Variants in SIRT4 observed in about 807,000 individuals in gnomAD.
SIRT4 encodes the protein sirtuin 4.
Under a neutral mutation model 26.1 loss-of-function variants are expected in SIRT4, and 23 were observed. That is an observed-to-expected ratio of 0.88 (90% CI 0.63 to 1.25). The LOEUF is 1.25. Among genes scored for constraint, SIRT4 ranks in the 50% most tolerant of loss-of-function variants. SIRT4 has a pLI of 0.00. For missense variants in SIRT4, 361 were observed against 405.4 expected (o/e 0.89, Z 0.94); for synonymous variants, 155 against 158.4 (o/e 0.98, Z 0.16).
At chr12:120,307,066 G>A (rs1280152243) in intron 2 of SIRT4, among the ~76,000 whole-genome samples, 1 of 152,186 alleles carries the variant, frequency 6.6e-6, no homozygotes, top group Admixed American at 6.6e-5. Context: ...AAGCCCTAGA[G>A]AGGCTCCTCT....
chr12:120,293,208 T>A, the SIRT4 span: 1 of 152,204 alleles, frequency 6.6e-6, no homozygotes, highest in Non-Finnish European at 1.5e-5. Flanking sequence ...ATAGACCTCA[T>A]TGGCTACGAT....
Position 120,312,494 on chromosome 12 carries a change from G to A in SIRT4, c.536G>A (p.Gly179Glu). The A allele has an allele frequency of 6.2e-7, 1 of 1,614,006 alleles. No individual in the cohort carries two copies. The highest frequency in any genetic ancestry group is 8.5e-7 in the Non-Finnish European group (1 of 1,179,986). The change falls in exon 3 of 4, where the codon GGG becomes GAG. Residue 179 changes from glycine to glutamate, a missense_variant. By Grantham distance (98) the Gly-to-Glu change is moderately conservative (BLOSUM62 -2). Coordinates refer to ENST00000202967, the MANE Select transcript of SIRT4 (RefSeq NM_012240.3). Reference sequence around the variant, plus strand: ...GATTGTGGGGAACAGACTCCCCGGGGGGTGCTGCAAGAGCGTTTCCAAGTC... The same window carrying A: ...GATTGTGGGGAACAGACTCCCCGGGAGGTGCTGCAAGAGCGTTTCCAAGTC... ...CLDCGEQTPR[G>E]VLQERFQVLN...
At chr12:120,295,523 A>C in the SIRT4 span, among the ~76,000 whole-genome samples, 1 of 149,474 alleles carries the variant, frequency 6.7e-6, no homozygotes, top group Non-Finnish European at 1.5e-5. Context: ...CGGCCTCCCA[A>C]AGTGCTGGGA....
At chr12:120,303,462 G>A (rs1436443721) in intron 1 of SIRT4, 99 bp from the exon 2 acceptor site, 5 of 1,355,148 alleles carry the variant, frequency 3.7e-6, no homozygotes, top group East Asian at 4.6e-5. Context: ...GCAACAGAGG[G>A]AGACTCTGTC....
chr12:120,295,575 C>A, the SIRT4 span, among the ~76,000 whole-genome samples: 1 of 151,332 alleles, frequency 6.6e-6, no homozygotes, highest in Non-Finnish European at 1.5e-5. Context: ...GTTTTCTATT[C>A]TTTGGTGTAC....
chr12:120,296,167 T>C, the SIRT4 span, among the ~76,000 whole-genome samples: 3 of 148,974 alleles, frequency 2.0e-5, no homozygotes, highest in Non-Finnish European at 4.4e-5. Context: ...ACACGAAAAG[T>C]TCAAAGAATT....
At chr12:120,310,646 G>A (rs890072953) in intron 2 of SIRT4, among the ~76,000 whole-genome samples, 3 of 151,984 alleles carry the variant, frequency 2.0e-5, no homozygotes, top group African/African-American at 7.2e-5. Flanking sequence ...TAAGGCAGGA[G>A]GATTGCTTGA....
chr12:120,306,711 G>A (rs548318672), intron 2 of SIRT4, among the ~76,000 whole-genome samples: 1 of 152,124 alleles, frequency 6.6e-6, no homozygotes, highest in Non-Finnish European at 1.5e-5. Flanking sequence ...GCTGAGGCAC[G>A]AGAGTCGCCT....
the SIRT4 span, chr12:120,293,064 A>G: frequency 1.0e-4 from 13 of 129,442 alleles, no homozygotes; most frequent in African/African-American, 2.5e-4. Flanking sequence ...CACACAAAAA[A>G]AGCCTCTGTT....
At chr12:120,293,135 T>C in the SIRT4 span, 26 of 152,322 alleles carry the variant, frequency 1.7e-4, no homozygotes, top group Admixed American at 4.6e-4. Context: ...GTGCCGACTA[T>C]ATTGCAAGTC....
At chr12:120,301,431 G>C (rs1398837974), upstream of SIRT4, among the ~76,000 whole-genome samples, 2 of 152,160 alleles carry the variant, frequency 1.3e-5, no homozygotes, top group Non-Finnish European at 1.5e-5. Flanking sequence ...ACAAGTTCAA[G>C]GTATTTTACC....
chr12:120,305,468 C>G (rs1377835867), intron 2 of SIRT4, among the ~76,000 whole-genome samples: 1 of 151,884 alleles, frequency 6.6e-6, no homozygotes, highest in Non-Finnish European at 1.5e-5. Flanking sequence ...ACTATGTTGC[C>G]CAGGCTGGTC....
Position 120,302,845 on chromosome 12 carries a change from T to C in SIRT4, c.-2+467T>C, listed in dbSNP as rs186324037. Among the ~76,000 whole-genome samples the C allele has an allele frequency of 3.0e-3, 456 of 151,090 alleles. 3 individuals are homozygous for C. The highest frequency in any genetic ancestry group is 0.011 in the African/African-American group (438 of 41,182). ...AGCAATTCTCCTGCCTCAGCCTCCC[T>C]AGTAGCTGGGATTACGGGCACGTGC... On this transcript the variant is annotated intron_variant, in intron 1 of 3. Coordinates refer to ENST00000202967, the MANE Select transcript of SIRT4 (RefSeq NM_012240.3).
At chr12:120,312,795 G>T (rs2136846210) in intron 3 of SIRT4, 45 bp downstream of exon 3, 3 of 1,606,114 alleles carry the variant, frequency 1.9e-6, no homozygotes, top group Non-Finnish European at 2.6e-6. Context: ...GTGCGGGATT[G>T]GGAGTCCTGG....
rs184496260 is a variant in SIRT4, at chr12:120,313,186, G to A, written c.*150G>A. 20 of 798,202 alleles carry A rather than the reference G, an allele frequency of 2.5e-5. No individual in the cohort carries two copies. The highest frequency in any genetic ancestry group is 5.4e-5 in the Admixed American group (2 of 37,024). 49.4% of individuals were successfully genotyped at this position (798,202 alleles called of 1,614,324 possible). A position where few individuals can be genotyped will look rare whatever the true frequency, so the allele number is the denominator to read the frequency against. On this transcript the variant is annotated 3_prime_UTR_variant, in exon 4 of 4. Transcript: ENST00000202967. Reference sequence around the variant, plus strand: ...TATAGAAGGTTCTAGGTATCTTAATGTGTGGATATTCTTAATTAAAACTCA... The same window carrying A: ...TATAGAAGGTTCTAGGTATCTTAATATGTGGATATTCTTAATTAAAACTCA...
intron 2 of SIRT4, among the ~76,000 whole-genome samples, chr12:120,312,009 G>A (rs969844961): frequency 2.6e-5 from 4 of 151,990 alleles, no homozygotes; most frequent in African/African-American, 4.8e-5. Context: ...TGGGCTGGGC[G>A]CAGTGGCTCA....
At chr12:120,301,719 A>G (rs1251990130), upstream of SIRT4, among the ~76,000 whole-genome samples, 1 of 152,224 alleles carries the variant, frequency 6.6e-6, no homozygotes, top group Non-Finnish European at 1.5e-5. Context: ...TGTTTGTATC[A>G]AAACATCTCA....
At chr12:120,301,148 C>T (rs1872528111), upstream of SIRT4, among the ~76,000 whole-genome samples, 1 of 152,040 alleles carries the variant, frequency 6.6e-6, no homozygotes. Context: ...AGATCAAGAC[C>T]ATCCTGGCTA....
At chr12:120,293,258 CA>C in the SIRT4 span, 4 of 152,188 alleles carry the variant, frequency 2.6e-5, no homozygotes, top group Non-Finnish European at 4.4e-5. Context: ...GCCCCCTGCT[CA>C]TCACTCCCAA....
Sources: allele counts gnomAD v4.1 joint callset (sites outside exome capture counted in the v4.1 genomes callset), GRCh38; gene constraint gnomAD v4.1.1; transcripts MANE v1.5; gene names NCBI Gene and HGNC (gene_info 2026-07-23, HGNC 2026-07-21).